The following DDX19B variants were observed in gnomAD, a reference collection of about 807,000 sequenced individuals.
DDX19B encodes the protein ATP-dependent RNA helicase DDX19B.
Under a neutral mutation model 58.1 loss-of-function variants are expected in DDX19B, and 27 were observed. The observed-to-expected ratio is 0.46, with a 90% confidence interval of 0.34 to 0.64. DDX19B has a LOEUF of 0.64. Ranked by LOEUF, DDX19B falls within the 30% of genes least tolerant of loss-of-function variation. The pLI, the probability that DDX19B is intolerant of heterozygous loss-of-function variation, is 0.01. For synonymous variants in DDX19B, 187 were observed against 214.4 expected (o/e 0.87, Z 1.12); for missense variants, 399 against 596.5 (o/e 0.67, Z 3.45).
chr16:70,332,933 T>G lies in DDX19B; in HGVS notation c.1187-35T>G, dbSNP rs183181051. ...CACATGACTGATTTGCCTCCTGTCC[T>G]TAGTCCTCTCAGCCTCCAACTCTCC... On this transcript the variant is annotated intron_variant, in intron 10 of 11. Transcript: ENST00000288071. 3.2e-5 allele frequency: 51 copies of G among 1,614,160 alleles called. No homozygotes were observed. In the East Asian group the frequency reaches 8.5e-4, roughly 27 times the overall value.
chr16:70,309,646 C>T (rs375624203), intron 1 of DDX19B, among the ~76,000 whole-genome samples: 6 of 151,354 alleles, frequency 4.0e-5, no homozygotes, highest in South Asian at 4.2e-4. Context: ...AGTGAAACCC[C>T]GTCTCTACTA....
intron 6 of DDX19B, 118 bp from the exon 7 acceptor site, chr16:70,325,456 T>C: frequency 1.4e-6 from 1 of 693,546 alleles, no homozygotes; most frequent in South Asian, 1.8e-5. Flanking sequence ...GTGTACATTT[T>C]AATGTACATA....
chr16:70,323,057 C>G (rs891842344), intron 5 of DDX19B, among the ~76,000 whole-genome samples: 1 of 152,016 alleles, frequency 6.6e-6, no homozygotes, highest in Non-Finnish European at 1.5e-5. Flanking sequence ...TCATTTTCCT[C>G]GTCCATATCT....
chr16:70,315,590 G>T (rs926060398), intron 3 of DDX19B: 1 of 161,664 alleles, frequency 6.2e-6, no homozygotes, highest in Non-Finnish European at 1.3e-5. Flanking sequence ...AGACCAACTT[G>T]TCCAATATTA....
At chr16:70,331,003 C>T (rs1280841032) in intron 9 of DDX19B, among the ~76,000 whole-genome samples, 3 of 152,070 alleles carry the variant, frequency 2.0e-5, no homozygotes, top group African/African-American at 4.8e-5. Flanking sequence ...TGTGACTGTG[C>T]ACTCCAGAGT....
At chr16:70,315,730 C>A (rs1281130864) in intron 3 of DDX19B, 3 of 432,244 alleles carry the variant, frequency 6.9e-6, no homozygotes, top group African/African-American at 3.9e-5. Context: ...TAGATAACTG[C>A]AGGAAAAGAG....
rs775932350 is a variant in DDX19B at position 70,333,582 on chromosome 16, A to G, written c.1440A>G (p.Ter480TrpextTer36). 6 of 1,614,004 alleles carry G rather than the reference A, an allele frequency of 3.7e-6. No individual in the cohort carries two copies. Among genetic ancestry groups the G allele is most frequent in the Non-Finnish European group, 5.1e-6 (6 of 1,179,874 alleles). The part of the protein sequence containing the change: ...DLDEIEKIAN[*>W] ...ACGAGATTGAGAAAATAGCCAACTG[A>G]GAAGCTCCACCAGCCACTGATGCCA... The change falls in exon 12 of 12, where the codon TGA becomes TGG. Residue 480 changes from the stop codon to tryptophan (W), a stop_lost. Coordinates refer to ENST00000288071, the MANE Select transcript of DDX19B (RefSeq NM_007242.7).
intron 5 of DDX19B, among the ~76,000 whole-genome samples, chr16:70,322,673 T>A (rs1457530855): frequency 6.8e-6 from 1 of 147,474 alleles, no homozygotes; most frequent in Non-Finnish European, 1.5e-5. Context: ...GGCAAGTGGA[T>A]CACCTGAGGT....
chr16:70,324,595 T>C lies in DDX19B; in HGVS notation c.400T>C (p.Leu134=). The C allele has an allele frequency of 6.2e-7, 1 of 1,613,584 alleles. No individual in the cohort carries two copies. Among genetic ancestry groups the C allele is most frequent in the Non-Finnish European group, 8.5e-7 (1 of 1,179,884 alleles). Residue 134 remains leucine, a synonymous_variant, in exon 6 of 12, where the codon TTA becomes CTA. Coordinates refer to ENST00000288071, the MANE Select transcript of DDX19B (RefSeq NM_007242.7). ...TTGTTTCTTGCGCAGCCCACAGAACTTAATTGCCCAATCTCAGTCTGGTAC... is the reference window on the plus strand; with the variant it reads ...TTGTTTCTTGCGCAGCCCACAGAACCTAATTGCCCAATCTCAGTCTGGTAC... ...PLMLAEPPQN[L]IAQSQSGTGK...
At chr16:70,330,352 C>T (rs1279138188) in intron 9 of DDX19B, among the ~76,000 whole-genome samples, 1 of 151,866 alleles carries the variant, frequency 6.6e-6, no homozygotes, top group Non-Finnish European at 1.5e-5. Context: ...TTTGGGAGGC[C>T]AAGGCGGGTG....
intron 3 of DDX19B, chr16:70,315,653 A>G (rs568270109): frequency 5.0e-6 from 1 of 198,158 alleles, no homozygotes; most frequent in Non-Finnish European, 1.0e-5. Context: ...TGATTGCTAC[A>G]TTAATTACTT....
At chr16:70,329,501 A>C (rs781426026) in intron 8 of DDX19B, 32 bp downstream of exon 8, 1 of 1,612,206 alleles carries the variant, frequency 6.2e-7, no homozygotes, top group South Asian at 1.1e-5. Flanking sequence ...GACTCCTCAG[A>C]TTCCCCATCT....
At chr16:70,331,527 AC>A (rs1311817564) in intron 9 of DDX19B, among the ~76,000 whole-genome samples, 194 bp from the exon 10 acceptor site, 3 of 152,224 alleles carry the variant, frequency 2.0e-5, no homozygotes, top group Non-Finnish European at 2.9e-5. Flanking sequence ...CCAGCCTCGA[AC>A]ACTTGGGCTC....
upstream of DDX19B, among the ~76,000 whole-genome samples, chr16:70,292,645 C>G (rs913383196): frequency 6.6e-6 from 1 of 152,048 alleles, no homozygotes; most frequent in Admixed American, 6.5e-5. Flanking sequence ...TTGATTTACT[C>G]TAGGCTAAGC....
chr16:70,317,531 G>C lies in DDX19B; in HGVS notation c.332G>C (p.Gly111Ala). The C allele has an allele frequency of 5.0e-6, 8 of 1,613,376 alleles. No individual in the cohort carries two copies. Among genetic ancestry groups the C allele is most frequent in the Non-Finnish European group, 6.8e-6 (8 of 1,179,552 alleles). ...CTTCTCCAAGGAGTCTATGCCATGG[G>C]TTTCAATCGTCCATCCAAGATACAA... Reference protein sequence around the residue: ...PQLLQGVYAMGFNRPSKIQEN... With the variant: ...PQLLQGVYAMAFNRPSKIQEN... The change falls in exon 5 of 12, where the codon GGT becomes GCT. Residue 111 changes from glycine (G) to alanine (A), a missense_variant. Physicochemically the swap from Gly to Ala is moderately conservative, Grantham distance 60. Around this residue, in one of 4 missense-constraint regions of DDX19B, gnomAD observed 132 missense variants for 159.4 expected, o/e 0.83. Coordinates refer to ENST00000288071, the MANE Select transcript of DDX19B (RefSeq NM_007242.7).
chr16:70,301,029 T>G lies in DDX19B; in HGVS notation c.57+1675T>G, dbSNP rs1335248598. ...TTAAGTCTGCTTCAAATTGGACTAG[T>G]TACTCCTGTCTTTAGAGCACAGTTC... On this transcript the variant is annotated intron_variant, in intron 1 of 11. Transcript: ENST00000288071. Among the ~76,000 whole-genome samples, 3 of 152,284 alleles carry G rather than the reference T, an allele frequency of 2.0e-5. No homozygotes were observed. The South Asian group carries it at 6.2e-4, about 32-fold the overall frequency.
chr16:70,324,476 C>G lies in DDX19B; in HGVS notation c.390-109C>G. On this transcript the variant is annotated intron_variant, in intron 5 of 11. Coordinates refer to ENST00000288071, the MANE Select transcript of DDX19B (RefSeq NM_007242.7). The stretch of plus-strand genomic sequence containing the variant: ...TGTGAAGCTAGCATATGTAACTCTG[C>G]TACATAATCCAAGGTCTCCTATAAA... 8.1e-6 allele frequency: 7 copies of G among 867,158 alleles called. No individual in the cohort carries two copies. The South Asian group carries it at 1.1e-4, about 13-fold the overall frequency. The allele number at this position is 867,158 out of a possible 1,614,324, so 53.7% of individuals were successfully genotyped here. A position where few individuals can be genotyped will look rare whatever the true frequency, so the allele number is the denominator to read the frequency against.
intron 7 of DDX19B, among the ~76,000 whole-genome samples, 159 bp from the exon 8 acceptor site, chr16:70,329,133 G>C (rs1963335157): frequency 6.8e-6 from 1 of 147,578 alleles, no homozygotes; most frequent in African/African-American, 2.5e-5. Context: ...TGAGGCAGGA[G>C]AATCGCTTGA....
intron 9 of DDX19B, among the ~76,000 whole-genome samples, chr16:70,330,503 G>A (rs1051512432): frequency 1.3e-5 from 2 of 152,102 alleles, no homozygotes; most frequent in African/African-American, 2.4e-5. Context: ...CAGGAGAATC[G>A]CTTGAACCCG....
Sources: allele counts gnomAD v4.1 joint callset (sites outside exome capture counted in the v4.1 genomes callset), GRCh38; gene constraint gnomAD v4.1.1; regional missense constraint gnomAD v4.1.1; transcripts MANE v1.5; gene names NCBI Gene and HGNC (gene_info 2026-07-23, HGNC 2026-07-21).